FAM193A: variants seen among roughly 807,000 people sequenced by gnomAD.
FAM193A encodes protein FAM193A.
A neutral mutation model predicts 126.5 loss-of-function variants in FAM193A; 22 were observed. The ratio of observed to expected loss-of-function variants is 0.17; its 90% CI spans 0.12 to 0.25. The LOEUF is 0.25. Ranked by LOEUF, FAM193A falls within the 10% of genes least tolerant of loss-of-function variation. The pLI, the probability that FAM193A is intolerant of heterozygous loss-of-function variation, is 1.00. For missense variants in FAM193A, 1,675 were observed against 1,672.8 expected (o/e 1.00, Z -0.02); for synonymous variants, 761 against 646.8 (o/e 1.18, Z -2.68).
intron 13 of FAM193A, among the ~76,000 whole-genome samples, chr4:2,681,785 T>C (rs1674454967): frequency 1.3e-5 from 2 of 151,892 alleles, no homozygotes; most frequent in Admixed American, 6.6e-5. Context: ...CTGATAGAGA[T>C]CTTTCTTGTT....
At chr4:2,653,045 A>T (rs1355281929) in intron 7 of FAM193A, among the ~76,000 whole-genome samples, 1 of 152,182 alleles carries the variant, frequency 6.6e-6, no homozygotes, top group East Asian at 1.9e-4. Flanking sequence ...TCCTGCCCCT[A>T]AGAGCCTGGG....
intron 1 of FAM193A, among the ~76,000 whole-genome samples, chr4:2,577,168 T>C (rs1186514883): frequency 2.1e-5 from 2 of 97,388 alleles, no homozygotes; most frequent in Non-Finnish European, 2.4e-5. Flanking sequence ...TTTTTTCTTT[T>C]TTGAGACGAA....
intron 1 of FAM193A, among the ~76,000 whole-genome samples, chr4:2,573,098 A>C (rs1226771316): frequency 6.6e-6 from 1 of 151,702 alleles, no homozygotes; most frequent in East Asian, 1.9e-4. Flanking sequence ...ATAAGCAGGA[A>C]TCTCCTTTCT....
intron 18 of FAM193A, among the ~76,000 whole-genome samples, chr4:2,698,152 G>C (rs1338958476): frequency 6.6e-6 from 1 of 152,264 alleles, no homozygotes; most frequent in Non-Finnish European, 1.5e-5. Context: ...TGAAGGGACA[G>C]CAATAGTTGA....
intron 14 of FAM193A, 117 bp downstream of exon 14, chr4:2,689,821 C>T (rs1277542510): frequency 5.9e-6 from 4 of 681,894 alleles, no homozygotes; most frequent in East Asian, 3.1e-5. Flanking sequence ...TGCTCCACCA[C>T]CTCTGTCTCC....
intron 20 of FAM193A, among the ~76,000 whole-genome samples, chr4:2,729,849 T>C (rs1370689331): frequency 6.6e-6 from 1 of 152,142 alleles, no homozygotes; most frequent in African/African-American, 2.4e-5. Context: ...TAAGCTCAAG[T>C]GATCCACGCA....
chr4:2,633,119 C>T (rs1192241035), intron 5 of FAM193A, among the ~76,000 whole-genome samples: 1 of 151,882 alleles, frequency 6.6e-6, no homozygotes, highest in African/African-American at 2.4e-5. Context: ...GGCTTGAGGC[C>T]GGGTGCGGTG....
At chr4:2,613,365 C>T (rs1741989359) in intron 2 of FAM193A, among the ~76,000 whole-genome samples, 1 of 144,114 alleles carries the variant, frequency 6.9e-6, no homozygotes, top group Non-Finnish European at 1.5e-5. Context: ...ATTGCTAGTA[C>T]ATAGAAATTC....
intron 9 of FAM193A, 45 bp from the exon 10 acceptor site, chr4:2,659,767 C>G: frequency 6.2e-7 from 1 of 1,613,982 alleles, no homozygotes; most frequent in East Asian, 2.2e-5. Flanking sequence ...ATGGTCTAGT[C>G]TTGTGCATTG....
At chr4:2,687,691 T>A (rs1485184105) in intron 13 of FAM193A, among the ~76,000 whole-genome samples, 2 of 152,214 alleles carry the variant, frequency 1.3e-5, no homozygotes, top group Admixed American at 6.5e-5. Flanking sequence ...CTGACTAACC[T>A]ACTCGTCCTC....
chr4:2,672,368 G>C lies in FAM193A; in HGVS notation c.2327G>C (p.Ser776Thr), dbSNP rs372731013. 82 of 1,613,898 alleles carry C rather than the reference G, an allele frequency of 5.1e-5. 1 individual carries two copies. Among genetic ancestry groups the C allele is most frequent in the Non-Finnish European group, 6.1e-5 (72 of 1,179,936 alleles). Residue 776 changes from serine to threonine, a missense_variant, in exon 13 of 21, where the codon AGT becomes ACT. Ser to Thr is a moderately conservative substitution (Grantham distance 58). Coordinates refer to ENST00000637812, the MANE Select transcript of FAM193A (RefSeq NM_001366318.2). ...TLYATPPFTH[S>T]KALPPAPVQN... ...TATGCAACGCCCCCCTTCACACACA[G>C]TAAGGTAAGTCAGGGCAAAAAGGGT...
intron 6 of FAM193A, among the ~76,000 whole-genome samples, chr4:2,640,551 G>A (rs1744512546): frequency 6.6e-6 from 1 of 152,174 alleles, no homozygotes; most frequent in East Asian, 1.9e-4. Flanking sequence ...TCATGCATGA[G>A]CTACCACAGG....
chr4:2,590,486 C>A (rs78546872), intron 1 of FAM193A, among the ~76,000 whole-genome samples: 3,109 of 35,528 alleles, frequency 0.088, 201 homozygotes, highest in Non-Finnish European at 0.11. Flanking sequence ...CAAAAAAAAA[C>A]AAAAAAAAAC....
At chr4:2,730,080 T>C (rs1284345960) in intron 20 of FAM193A, among the ~76,000 whole-genome samples, 4 of 152,114 alleles carry the variant, frequency 2.6e-5, no homozygotes, top group Non-Finnish European at 5.9e-5. Flanking sequence ...GGCTAACTTT[T>C]TACTTTTTGT....
intron 2 of FAM193A, among the ~76,000 whole-genome samples, chr4:2,618,802 T>G (rs527616500): frequency 2.0e-5 from 3 of 151,892 alleles, no homozygotes; most frequent in Non-Finnish European, 4.4e-5. Flanking sequence ...TCCATGTTGG[T>G]CAGGCTGGTC....
At chr4:2,714,313 C>G (rs1182397389) in intron 19 of FAM193A, among the ~76,000 whole-genome samples, 2 of 152,178 alleles carry the variant, frequency 1.3e-5, no homozygotes, top group Non-Finnish European at 2.9e-5. Context: ...AAGCACCTCT[C>G]TGTACAAACA....
chr4:2,644,815 C>T (rs982430775), intron 6 of FAM193A, among the ~76,000 whole-genome samples: 2 of 152,134 alleles, frequency 1.3e-5, no homozygotes, highest in African/African-American at 2.4e-5. Flanking sequence ...CTAATTTCCA[C>T]ATAGCTTGTT....
At chr4:2,573,549 G>A (rs1408703998) in intron 1 of FAM193A, among the ~76,000 whole-genome samples, 1 of 151,710 alleles carries the variant, frequency 6.6e-6, no homozygotes, top group Admixed American at 6.6e-5. Flanking sequence ...GTGGATGTGT[G>A]TTTTTATTGC....
At chr4:2,542,146 G>C (rs181946445) in intron 1 of FAM193A, among the ~76,000 whole-genome samples, 1 of 152,108 alleles carries the variant, frequency 6.6e-6, no homozygotes, top group Non-Finnish European at 1.5e-5. Flanking sequence ...CTCCTGAGTA[G>C]CTGGGATTAC....
Sources: gnomAD v4.1 joint callset for allele counts (sites outside exome capture counted in the v4.1 genomes callset) on GRCh38, gnomAD v4.1.1 for gene constraint, MANE v1.5 for transcripts, NCBI Gene and HGNC (gene_info 2026-07-23, HGNC 2026-07-21) for gene names.